FOXP4: variants seen among roughly 807,000 people sequenced by gnomAD.
The protein encoded by FOXP4 is forkhead box P4.
Under a neutral mutation model 82.6 loss-of-function variants are expected in FOXP4, and 25 were observed. The ratio of observed to expected loss-of-function variants is 0.30; its 90% CI spans 0.22 to 0.42. FOXP4 has a LOEUF of 0.42. Among genes scored for constraint, FOXP4 ranks in the 10% least tolerant of loss-of-function variants. FOXP4 has a pLI of 1.00. For missense variants in FOXP4, 785 were observed against 900.9 expected, an observed-to-expected ratio of 0.87 and a Z score of 1.65; for synonymous variants, 415 against 388.2, an observed-to-expected ratio of 1.07 and a Z score of -0.81.
chr6:41,592,669 T>A (rs907406370), intron 13 of FOXP4, among the ~76,000 whole-genome samples: 6 of 152,160 alleles, frequency 3.9e-5, no homozygotes, highest in African/African-American at 1.4e-4. Flanking sequence ...ACAGCCTCCT[T>A]TTTGGGGGCA....
chr6:41,549,003 T>C (rs1763841699), intron 1 of FOXP4, among the ~76,000 whole-genome samples: 1 of 152,006 alleles, frequency 6.6e-6, no homozygotes, highest in Non-Finnish European at 1.5e-5. Context: ...GGGGAGTCAC[T>C]CACACTCTAG....
At chr6:41,567,150 C>T (rs751342279) in intron 2 of FOXP4, among the ~76,000 whole-genome samples, 1 of 152,230 alleles carries the variant, frequency 6.6e-6, no homozygotes, top group Non-Finnish European at 1.5e-5. Flanking sequence ...CCCAGCCAGC[C>T]CATTAACCAG....
intron 1 of FOXP4, among the ~76,000 whole-genome samples, chr6:41,553,812 A>G (rs889034202): frequency 1.3e-5 from 2 of 152,228 alleles, no homozygotes; most frequent in Non-Finnish European, 2.9e-5. Context: ...TGCCCCTGCC[A>G]GAACTGATCC....
rs2127397008 is a variant in FOXP4 at position 41,589,866 on chromosome 6, T to C, written c.1149+12T>C. The C allele has an allele frequency of 6.2e-7, 1 of 1,609,934 alleles. No homozygotes were observed. The highest frequency in any genetic ancestry group is 8.5e-7 in the Non-Finnish European group (1 of 1,179,486). ...CCTTCAGCCAGCCAGTGAGTGCTGC[T>C]CCCCTCCCCGCCCCTCCCAGAGCCT... is the stretch of plus-strand genomic sequence containing the variant. On this transcript the variant is annotated intron_variant, in intron 10 of 16. Transcript: ENST00000307972.
chr6:41,564,573 T>G (rs1197423824), intron 1 of FOXP4, among the ~76,000 whole-genome samples: 1 of 152,208 alleles, frequency 6.6e-6, no homozygotes, highest in African/African-American at 2.4e-5. Context: ...TTTCAGCCAC[T>G]CCTTGAGAGG....
chr6:41,578,326 G>A (rs965138038), intron 3 of FOXP4, among the ~76,000 whole-genome samples: 3 of 152,156 alleles, frequency 2.0e-5, no homozygotes, highest in African/African-American at 4.8e-5. Context: ...CTCAAAGTTT[G>A]TCTGCAGCTC....
intron 2 of FOXP4, among the ~76,000 whole-genome samples, chr6:41,574,312 G>A (rs940434723): frequency 2.6e-5 from 4 of 152,198 alleles, no homozygotes; most frequent in Non-Finnish European, 4.4e-5. Context: ...AGTCAGAGGT[G>A]TTTGGACTCT....
rs755693388 is a variant in FOXP4, at chr6:41,593,203, A to C, written c.1537-1667A>C. 2.0e-5 allele frequency among the ~76,000 whole-genome samples: 3 copies of C among 152,034 alleles called. No individual in the cohort carries two copies. Among genetic ancestry groups the C allele is most frequent in the Non-Finnish European group, 4.4e-5 (3 of 67,994 alleles). ...CTTTCCACTCATTTCTCAGCCCCTC[A>C]GGTCATCTCTGCTCCTCTCCCGAAT... On this transcript the variant is annotated intron_variant, in intron 13 of 16. Transcript: ENST00000307972. The surrounding 1 kb of genome is among the most constrained non-coding windows in gnomAD (Gnocchi z 4.1).
At chr6:41,548,257 C>T (rs533362489) in intron 1 of FOXP4, 2 of 152,354 alleles carry the variant, frequency 1.3e-5, no homozygotes, top group East Asian at 3.9e-4. Flanking sequence ...GCAGGTTGAC[C>T]GCGGCGCCTG....
chr6:41,557,705 G>A (rs934685043), intron 1 of FOXP4, among the ~76,000 whole-genome samples: 2 of 152,220 alleles, frequency 1.3e-5, no homozygotes, highest in Non-Finnish European at 2.9e-5. Context: ...CCAAAAGAGA[G>A]TGAGAATGGA....
intron 1 of FOXP4, among the ~76,000 whole-genome samples, chr6:41,565,292 G>A (rs980565471): frequency 3.3e-5 from 5 of 152,106 alleles, no homozygotes; most frequent in South Asian, 2.1e-4. Context: ...CTCGGGAGGC[G>A]GAGGCTGCAG....
intron 2 of FOXP4, among the ~76,000 whole-genome samples, chr6:41,569,117 G>A (rs753368001): frequency 9.9e-5 from 15 of 152,174 alleles, no homozygotes; most frequent in East Asian, 1.9e-4. Flanking sequence ...TCACCTCCAC[G>A]CTGTCTTTGG....
intron 2 of FOXP4, among the ~76,000 whole-genome samples, chr6:41,577,289 C>T (rs753037218): frequency 6.6e-6 from 1 of 152,202 alleles, no homozygotes; most frequent in Non-Finnish European, 1.5e-5. Context: ...CAGCAGCATG[C>T]ATGTACAATC....
intron 2 of FOXP4, among the ~76,000 whole-genome samples, chr6:41,572,207 C>T (rs1277668279): frequency 6.6e-6 from 1 of 152,186 alleles, no homozygotes; most frequent in Non-Finnish European, 1.5e-5. Flanking sequence ...GGGCCTCGCA[C>T]CATGTGTTCC....
Position 41,587,432 on chromosome 6 carries a change from T to TC in FOXP4, c.798dup (p.Lys267GlnfsTer49). Reference sequence around the variant, plus strand: ...CCGCCACCGCTACCTCGTTTGCCGCTCCCCCCAAGGTCTCACCCCCCCTCT... The same window carrying TC: ...CCGCCACCGCTACCTCGTTTGCCGCTCCCCCCCAAGGTCTCACCCCCCCTCT... On this transcript the variant is annotated frameshift_variant, in exon 7 of 17. Transcript: ENST00000307972. LOFTEE classifies it high-confidence loss of function. 1 of 1,568,984 alleles carries TC rather than the reference T, an allele frequency of 6.4e-7. No homozygotes were observed. Among genetic ancestry groups the TC allele is most frequent in the Non-Finnish European group, 8.6e-7 (1 of 1,157,110 alleles).
Position 41,598,969 on chromosome 6 carries a change from AC to A in FOXP4, c.*37del, listed in dbSNP as rs1311503612. 6.6e-7 allele frequency: 1 copy of A among 1,519,194 alleles called. No individual in the cohort carries two copies. Among genetic ancestry groups the A allele is most frequent in the African/African-American group, 1.4e-5 (1 of 71,810 alleles). The allele number at this position is 1,519,194 out of a possible 1,614,324, so 94.1% of individuals were successfully genotyped here. On this transcript the variant is annotated 3_prime_UTR_variant, in exon 17 of 17. Transcript: ENST00000307972. ...TAGTGACCGGCAGGGCTGGGGTGAGACCCCTCCCTTCCAGAATCCAGGCCCC... is the reference window on the plus strand; with the variant it reads ...TAGTGACCGGCAGGGCTGGGGTGAGACCCTCCCTTCCAGAATCCAGGCCCC...
intron 3 of FOXP4, among the ~76,000 whole-genome samples, chr6:41,580,708 T>C (rs532980271): frequency 1.0e-3 from 157 of 152,180 alleles, no homozygotes; most frequent in African/African-American, 3.6e-3. Flanking sequence ...TCAAGATTGG[T>C]GAGGGGATAG....
At chr6:41,574,798 C>T (rs1290120882) in intron 2 of FOXP4, among the ~76,000 whole-genome samples, 2 of 152,290 alleles carry the variant, frequency 1.3e-5, no homozygotes, top group East Asian at 1.9e-4. Flanking sequence ...CCTCGTTCAC[C>T]GTGTTAACTC....
chr6:41,571,268 T>C (rs572991788), intron 2 of FOXP4, among the ~76,000 whole-genome samples: 2 of 152,378 alleles, frequency 1.3e-5, no homozygotes, highest in Admixed American at 6.5e-5. Flanking sequence ...CTGCAGGAGC[T>C]GGATGAGCCC....
Sources: allele counts gnomAD v4.1 joint callset (sites outside exome capture counted in the v4.1 genomes callset), GRCh38; gene constraint gnomAD v4.1.1; non-coding constraint Gnocchi (gnomAD v3.1); transcripts MANE v1.5; gene names NCBI Gene and HGNC (gene_info 2026-07-23, HGNC 2026-07-21).